DDX18: variants seen among roughly 807,000 people sequenced by gnomAD.
The protein encoded by DDX18 is DEAD-box helicase 18.
DDX18 carries 23 observed loss-of-function variants against 73.5 expected under a neutral mutation model. The ratio of observed to expected loss-of-function variants is 0.31; its 90% CI spans 0.23 to 0.44. The LOEUF (loss-of-function observed/expected upper bound fraction) is 0.44. Ranked by LOEUF, DDX18 falls within the 20% of genes least tolerant of loss-of-function variation. The pLI is 1.00. For synonymous variants in DDX18, 268 were observed against 282.7 expected (o/e 0.95, Z 0.52); for missense variants, 753 against 792.9 (o/e 0.95, Z 0.60).
chr2:117,826,500 G>A (rs1473394512), intron 11 of DDX18, 118 bp downstream of exon 11: 1 of 906,256 alleles, frequency 1.1e-6, no homozygotes, highest in Non-Finnish European at 1.7e-6. Flanking sequence ...CCATTCTTAT[G>A]GCAATTAAGC....
rs1355035587 is a variant in DDX18 at position 117,817,500 on chromosome 2, A to G, written c.142A>G (p.Met48Val). 5 of 1,613,130 alleles carry G rather than the reference A, an allele frequency of 3.1e-6. No homozygotes were observed. The highest frequency in any genetic ancestry group is 1.7e-4 in the Middle Eastern group (1 of 5,894). ...TQNGDVSEET[M>V]GSRKVKKSKQ... is the part of the protein sequence containing the mutation. ...AAATGGAGATGTATCTGAAGAAACAATGGGAAGTAGAAAGGTTAAAAAATC... is the reference window on the plus strand; with the variant it reads ...AAATGGAGATGTATCTGAAGAAACAGTGGGAAGTAGAAAGGTTAAAAAATC... The change falls in exon 2 of 14, where the codon ATG becomes GTG. Residue 48 changes from methionine (M) to valine (V), a missense_variant. This residue lies in a region of DDX18 where 345 missense variants were observed against 352.0 expected (regional missense o/e 0.98). Transcript: ENST00000263239.
chr2:117,821,746 G>T lies in DDX18; in HGVS notation c.747G>T (p.Arg249Ser). The T allele has an allele frequency of 6.2e-7, 1 of 1,613,950 alleles. No homozygotes were observed. The highest frequency in any genetic ancestry group is 2.2e-5 in the East Asian group (1 of 44,878). ...ELIVKLRFMP[R>S]NGTGVLILSP... ...TTGTTAAGTTAAGGTTCATGCCCAG[G>T]AATGGTAAGCGTTCATCTGCTTGTT... The change falls in exon 5 of 14, where the codon AGG becomes AGT. Residue 249 changes from arginine to serine, a missense_variant. Around this residue, in one of 3 missense-constraint regions of DDX18, gnomAD observed 345 missense variants for 352.0 expected, o/e 0.98. Transcript: ENST00000263239.
chr2:117,819,950 A>C (rs759986613), intron 3 of DDX18, among the ~76,000 whole-genome samples, 158 bp downstream of exon 3: 1 of 152,094 alleles, frequency 6.6e-6, no homozygotes, highest in Admixed American at 6.5e-5. Flanking sequence ...TTTTCTCTTT[A>C]TCTTCTATTT....
rs1680009048 is a variant in DDX18, at chr2:117,830,717, C to T, written c.2006C>T (p.Ser669Phe). 5.6e-6 allele frequency: 9 copies of T among 1,613,080 alleles called. No homozygotes were observed. The highest frequency in any genetic ancestry group is 7.6e-6 in the Non-Finnish European group (9 of 1,179,670). ...AAATCATCTGACAGCAGGCAGTTCT[C>T]TCACTGAACACATGCCTTCCTTTCA... is the stretch of plus-strand genomic sequence containing the variant. ...SKKSSDSRQFSH is the reference protein window; with the variant it reads ...SKKSSDSRQFFH Residue 669 changes from serine (S) to phenylalanine (F), a missense_variant, in exon 14 of 14, where the codon TCT becomes TTT. Coordinates refer to ENST00000263239, the MANE Select transcript of DDX18 (RefSeq NM_006773.4).
At chr2:117,827,298 GCA>G (rs1679945876) in intron 11 of DDX18, 1 of 152,196 alleles carries the variant, frequency 6.6e-6, no homozygotes, top group South Asian at 2.1e-4. Flanking sequence ...TGTTCCCACA[GCA>G]CAGGTGCTCA....
At chr2:117,828,891 C>G in intron 11 of DDX18, 58 bp from the exon 12 acceptor site, 1 of 1,202,386 alleles carries the variant, frequency 8.3e-7, no homozygotes, top group Non-Finnish European at 1.2e-6. Context: ...GTCTTCAGTA[C>G]CCAGTATCGG....
At chr2:117,818,152 G>T (rs1156640970) in intron 2 of DDX18, among the ~76,000 whole-genome samples, 2 of 152,170 alleles carry the variant, frequency 1.3e-5, no homozygotes, top group Non-Finnish European at 2.9e-5. Context: ...TGCTAAGAAT[G>T]GCAGGAGGAA....
chr2:117,825,528 G>A lies in DDX18; in HGVS notation c.1450G>A (p.Val484Met). 6.2e-7 allele frequency: 1 copy of A among 1,614,208 alleles called. No homozygotes were observed. Among genetic ancestry groups the A allele is most frequent in the Non-Finnish European group, 8.5e-7 (1 of 1,180,020 alleles). Reference protein sequence around the residue: ...ADSGTLLCTDVAARGLDIPEV... With the variant: ...ADSGTLLCTDMAARGLDIPEV... ...TTCGGGAACACTATTGTGTACGGAT[G>A]TGGCAGCGAGAGGACTAGACATTCC... Residue 484 changes from valine to methionine, a missense_variant, in exon 10 of 14, where the codon GTG becomes ATG. By Grantham distance (21) the Val-to-Met change is conservative. Transcript: ENST00000263239.
At chr2:117,818,639 A>G (rs1036160496) in intron 2 of DDX18, among the ~76,000 whole-genome samples, 2 of 152,152 alleles carry the variant, frequency 1.3e-5, no homozygotes, top group Non-Finnish European at 2.9e-5. Context: ...CAAGCATTGA[A>G]TCACAATGCT....
At chr2:117,824,412 C>T (rs1336368890) in intron 7 of DDX18, 157 bp from the exon 8 acceptor site, 1 of 643,892 alleles carries the variant, frequency 1.6e-6, no homozygotes, top group Admixed American at 4.3e-5. Context: ...CCTAGTGTTT[C>T]ATGATATACC....
intron 10 of DDX18, 165 bp from the exon 11 acceptor site, chr2:117,826,104 C>T (rs905842498): frequency 2.9e-4 from 95 of 331,966 alleles, no homozygotes; most frequent in Non-Finnish European, 3.6e-4. Context: ...GTGCACAGAG[C>T]GATTGCTGGC....
At chr2:117,816,594 C>CT (rs1679763193) in intron 1 of DDX18, among the ~76,000 whole-genome samples, 2 of 152,244 alleles carry the variant, frequency 1.3e-5, no homozygotes, top group East Asian at 3.9e-4. Context: ...CCCTGAGGCT[C>CT]TTTTACAGTC....
At chr2:117,828,886 C>T in intron 11 of DDX18, 63 bp from the exon 12 acceptor site, 1 of 1,164,454 alleles carries the variant, frequency 8.6e-7, no homozygotes, top group Non-Finnish European at 1.3e-6. Context: ...TCCCTGTCTT[C>T]AGTACCCAGT....
rs1679840633 is a variant in DDX18, at chr2:117,821,157, T to TCC, written c.515-4_515-3insCC. On this transcript the variant is annotated splice_region_variant and splice_polypyrimidine_tract_variant and intron_variant, in intron 3 of 13. Transcript: ENST00000263239. ...TTGCTAATGATAAATTGTCTTCTGT[T>TCC]TAGGAGCTTTTGAGGATACTTCGTT... 1 of 1,567,202 alleles carries TCC rather than the reference T, an allele frequency of 6.4e-7. No homozygotes were observed. The highest frequency in any genetic ancestry group is 1.4e-5 in the African/African-American group (1 of 72,986).
chr2:117,819,592 A>C, intron 2 of DDX18, 57 bp from the exon 3 acceptor site: 4 of 1,424,738 alleles, frequency 2.8e-6, no homozygotes, highest in Non-Finnish European at 3.8e-6. Flanking sequence ...TGTTGATCTC[A>C]TTTGGAATTC....
chr2:117,824,969 A>T lies in DDX18; in HGVS notation c.1236A>T (p.Arg412Ser), dbSNP rs1181983782. 1 of 1,612,176 alleles carries T rather than the reference A, an allele frequency of 6.2e-7. No individual in the cohort carries two copies. Among genetic ancestry groups the T allele is most frequent in the East Asian group, 2.2e-5 (1 of 44,866 alleles). Reference protein sequence around the residue: ...QGYVVCPSEKRFLLLFTFLKK... With the variant: ...QGYVVCPSEKSFLLLFTFLKK... Reference sequence around the variant, plus strand: ...ATGTTGTTTGTCCTTCTGAAAAGAGATTCCTTCTGCTCTTTACATTCCTTA... The same window carrying T: ...ATGTTGTTTGTCCTTCTGAAAAGAGTTTCCTTCTGCTCTTTACATTCCTTA... The change falls in exon 9 of 14, where the codon AGA (arginine) becomes AGT (serine). Residue 412 changes from arginine to serine, a missense_variant. This residue lies in a region of DDX18 where 402 missense variants were observed against 419.4 expected (regional missense o/e 0.96). Transcript: ENST00000263239.
At chr2:117,821,370 T>C (rs1245229722) in intron 4 of DDX18, 74 bp downstream of exon 4, 3 of 1,509,090 alleles carry the variant, frequency 2.0e-6, no homozygotes, top group Non-Finnish European at 2.7e-6. Context: ...CATACCAGTA[T>C]ATTCTGTTGA....
chr2:117,819,707 T>C lies in DDX18; in HGVS notation c.429T>C (p.Thr143=), dbSNP rs747782932. ...KGKSEEESAE[T]TKETENNVEK... is the part of the protein sequence containing the mutation. Reference sequence around the variant, plus strand: ...AATCTGAAGAAGAAAGTGCCGAGACTACTAAAGAAACAGAAAATAATGTGG... The same window carrying C: ...AATCTGAAGAAGAAAGTGCCGAGACCACTAAAGAAACAGAAAATAATGTGG... The change falls in exon 3 of 14, where the codon ACT becomes ACC. Residue 143 remains threonine, a synonymous_variant. Coordinates refer to ENST00000263239, the MANE Select transcript of DDX18 (RefSeq NM_006773.4). 23 of 1,608,700 alleles carry C rather than the reference T, an allele frequency of 1.4e-5. No homozygotes were observed. The highest frequency in any genetic ancestry group is 1.1e-4 in the African/African-American group (8 of 74,584).
rs772485765 is a variant in DDX18 at position 117,821,748 on chromosome 2, A to G, written c.749A>G (p.Asn250Ser). The change falls in exon 5 of 14, where the codon AAT becomes AGT. Residue 250 changes from asparagine to serine, a missense_variant and splice_region_variant. Around this residue, in one of 3 missense-constraint regions of DDX18, gnomAD observed 345 missense variants for 352.0 expected, o/e 0.98. Coordinates refer to ENST00000263239, the MANE Select transcript of DDX18 (RefSeq NM_006773.4). The part of the protein sequence containing the change: ...LIVKLRFMPR[N>S]GTGVLILSPT... ...GTTAAGTTAAGGTTCATGCCCAGGA[A>G]TGGTAAGCGTTCATCTGCTTGTTTC... 9 of 1,613,968 alleles carry G rather than the reference A, an allele frequency of 5.6e-6. No individual in the cohort carries two copies. The highest frequency in any genetic ancestry group is 7.6e-6 in the Non-Finnish European group (9 of 1,179,908).
Sources: gnomAD v4.1 joint callset for allele counts (sites outside exome capture counted in the v4.1 genomes callset) on GRCh38, gnomAD v4.1.1 for gene constraint, gnomAD v4.1.1 regional missense constraint, MANE v1.5 for transcripts, NCBI Gene and HGNC (gene_info 2026-07-23, HGNC 2026-07-21) for gene names.